TMEM51: variants seen among roughly 807,000 people sequenced by gnomAD.
The protein encoded by TMEM51 is chromosome 1 open reading frame 72.
Under a neutral mutation model 13.6 loss-of-function variants are expected in TMEM51, and 8 were observed. The ratio of observed to expected loss-of-function variants is 0.59; its 90% CI spans 0.35 to 1.07. TMEM51 has a LOEUF of 1.07. Among genes scored for constraint, TMEM51 ranks in the 50% least tolerant of loss-of-function variants. TMEM51 has a pLI of 0.02. For synonymous variants in TMEM51, 147 were observed against 144.4 expected, an observed-to-expected ratio of 1.02 and a Z score of -0.13; for missense variants, 279 against 330.7, an observed-to-expected ratio of 0.84 and a Z score of 1.21.
chr1:15,219,789 A>G lies in TMEM51; in HGVS notation c.*46A>G. ...CTCCCTCCTGTCTCTCACACCTTTC[A>G]CCCCCAAGACTCTAACAAAGCCACA... On this transcript the variant is annotated 3_prime_UTR_variant, in exon 4 of 4. Coordinates refer to ENST00000376008, the MANE Select transcript of TMEM51 (RefSeq NM_001136218.2). 6.4e-7 allele frequency: 1 copy of G among 1,572,864 alleles called. No homozygotes were observed. The highest frequency in any genetic ancestry group is 8.6e-7 in the Non-Finnish European group (1 of 1,159,630).
At chr1:15,202,502 G>C (rs576745214) in intron 1 of TMEM51, among the ~76,000 whole-genome samples, 2 of 152,284 alleles carry the variant, frequency 1.3e-5, no homozygotes, top group East Asian at 1.9e-4. Flanking sequence ...GGGCAGGGCT[G>C]GTTCCTCCAG....
intron 1 of TMEM51, among the ~76,000 whole-genome samples, chr1:15,210,217 CT>C (rs1644317017): frequency 6.6e-6 from 1 of 152,136 alleles, no homozygotes; most frequent in Admixed American, 6.6e-5. Flanking sequence ...AGTATTTCCT[CT>C]GATATTCTCT....
At chr1:15,214,586 C>G (rs1336747519) in intron 2 of TMEM51, among the ~76,000 whole-genome samples, 1 of 152,246 alleles carries the variant, frequency 6.6e-6, no homozygotes, top group Non-Finnish European at 1.5e-5. Context: ...TACGATTTTA[C>G]TGCACTTCAT....
intron 1 of TMEM51, among the ~76,000 whole-genome samples, chr1:15,189,150 C>T (rs534504275): frequency 6.6e-6 from 1 of 152,046 alleles, no homozygotes; most frequent in East Asian, 1.9e-4. Flanking sequence ...AGGGATTCTC[C>T]CACCTCAGCC....
intron 1 of TMEM51, among the ~76,000 whole-genome samples, chr1:15,160,889 G>A (rs1042878321): frequency 9.9e-5 from 15 of 151,002 alleles, no homozygotes; most frequent in Admixed American, 2.6e-4. Flanking sequence ...GATCCCCCAC[G>A]GGAGGCAGCA....
At chr1:15,179,420 G>A (rs777720675) in intron 1 of TMEM51, among the ~76,000 whole-genome samples, 11 of 152,116 alleles carry the variant, frequency 7.2e-5, no homozygotes, top group African/African-American at 1.7e-4. Context: ...GAAAGGAAAC[G>A]GGATACAGGC....
intron 1 of TMEM51, among the ~76,000 whole-genome samples, chr1:15,199,466 A>C (rs1644112690): frequency 6.6e-6 from 1 of 152,176 alleles, no homozygotes; most frequent in South Asian, 2.1e-4. Flanking sequence ...CCAGGGGGGC[A>C]GGTGGTTGTG....
At chr1:15,179,235 G>A (rs1643540047) in intron 1 of TMEM51, among the ~76,000 whole-genome samples, 1 of 152,124 alleles carries the variant, frequency 6.6e-6, no homozygotes, top group Non-Finnish European at 1.5e-5. Context: ...AGAGAGAAAG[G>A]CAAACAGCTG....
chr1:15,192,124 T>C (rs932603701), intron 1 of TMEM51: 3 of 459,636 alleles, frequency 6.5e-6, no homozygotes, highest in Non-Finnish European at 1.3e-5. Context: ...CAGCTGTCCG[T>C]TTTGATGAAC....
rs747901862 is a variant in TMEM51, at chr1:15,196,160, C to A, written c.-266-14330C>A. 2.8e-4 allele frequency among the ~76,000 whole-genome samples: 42 copies of A among 152,228 alleles called. 1 individual carries two copies. Among genetic ancestry groups the A allele is most frequent in the Admixed American group, 1.6e-3 (24 of 15,284 alleles). ...CCACCCAGAGACACCCAGACTGCTGCAGTGGACAGCCTCACCCACGGGCCC... is the reference window on the plus strand; with the variant it reads ...CCACCCAGAGACACCCAGACTGCTGAAGTGGACAGCCTCACCCACGGGCCC... On this transcript the variant is annotated intron_variant, in intron 1 of 3. Transcript: ENST00000376008.
intron 1 of TMEM51, among the ~76,000 whole-genome samples, chr1:15,175,165 C>T (rs1643416749): frequency 6.6e-6 from 1 of 152,062 alleles, no homozygotes; most frequent in South Asian, 2.1e-4. Context: ...TTTGGGAGGC[C>T]GAGGTGGGTG....
Position 15,161,449 on chromosome 1 carries a change from G to C in TMEM51, c.-267+7495G>C. On this transcript the variant is annotated intron_variant, in intron 1 of 3. Coordinates refer to ENST00000376008, the MANE Select transcript of TMEM51 (RefSeq NM_001136218.2). This position sits in a 1 kb window ranked among gnomAD's most constrained non-coding sequence, Gnocchi z 4.0. ...GAACCTGGAAAGCAGAGGTTGCAGT[G>C]AGCCGAGATCGTGCCACTGAACTCC... is the stretch of plus-strand genomic sequence containing the variant. 6.6e-6 allele frequency among the ~76,000 whole-genome samples: 1 copy of C among 151,938 alleles called. No individual in the cohort carries two copies. Among genetic ancestry groups the C allele is most frequent in the Non-Finnish European group, 1.5e-5 (1 of 68,042 alleles).
intron 1 of TMEM51, among the ~76,000 whole-genome samples, chr1:15,186,262 G>A (rs1021024839): frequency 6.6e-6 from 1 of 152,216 alleles, no homozygotes; most frequent in African/African-American, 2.4e-5. Context: ...GGAAGTAACT[G>A]GATAGAAAAT....
chr1:15,208,447 A>T (rs1644286103), intron 1 of TMEM51, among the ~76,000 whole-genome samples: 1 of 152,226 alleles, frequency 6.6e-6, no homozygotes, highest in East Asian at 1.9e-4. Flanking sequence ...ACACAGCAAG[A>T]TTCCATCTCT....
chr1:15,184,786 A>G (rs1216166441), intron 1 of TMEM51, among the ~76,000 whole-genome samples: 1 of 152,048 alleles, frequency 6.6e-6, no homozygotes, highest in Non-Finnish European at 1.5e-5. Context: ...AGTATAGAGT[A>G]TAGAGCTCTC....
At chr1:15,179,519 C>A (rs1643547764) in intron 1 of TMEM51, among the ~76,000 whole-genome samples, 1 of 152,178 alleles carries the variant, frequency 6.6e-6, no homozygotes, top group Non-Finnish European at 1.5e-5. Context: ...GCAATAGCTC[C>A]TGCCTGTAAT....
chr1:15,202,964 T>A (rs1644184395), intron 1 of TMEM51, among the ~76,000 whole-genome samples: 1 of 152,180 alleles, frequency 6.6e-6, no homozygotes, highest in African/African-American at 2.4e-5. Context: ...CTGTAAAGAT[T>A]AATGGACGCC....
At chr1:15,181,611 C>T (rs933497430) in intron 1 of TMEM51, among the ~76,000 whole-genome samples, 1 of 152,192 alleles carries the variant, frequency 6.6e-6, no homozygotes, top group Non-Finnish European at 1.5e-5. Context: ...ATGAGCTTCC[C>T]ACCCCACAGC....
intron 1 of TMEM51, among the ~76,000 whole-genome samples, chr1:15,180,514 T>C (rs1188946331): frequency 6.6e-6 from 1 of 152,226 alleles, no homozygotes; most frequent in African/African-American, 2.4e-5. Flanking sequence ...ATTTTGGCTG[T>C]GTGCTGAGGA....
Sources: allele counts gnomAD v4.1 joint callset (sites outside exome capture counted in the v4.1 genomes callset), GRCh38; gene constraint gnomAD v4.1.1; non-coding constraint Gnocchi (gnomAD v3.1); transcripts MANE v1.5; gene names NCBI Gene and HGNC (gene_info 2026-07-23, HGNC 2026-07-21).